The following NUP153 variants were observed in gnomAD, a reference collection of about 807,000 sequenced individuals.
The protein encoded by NUP153 is nuclear pore complex protein Nup153.
In NUP153, 27 loss-of-function variants were observed where a neutral mutation model predicts 134.6. The observed-to-expected ratio is 0.20, with a 90% CI of 0.15 to 0.28. The LOEUF is 0.28. Among genes scored for constraint, NUP153 ranks in the 10% least tolerant of loss-of-function variants. NUP153 has a pLI of 1.00. For synonymous variants in NUP153, 640 were observed against 623.5 expected (o/e 1.03, Z -0.40); for missense variants, 1,821 against 1,731.3 (o/e 1.05, Z -0.92).
intron 14 of NUP153, among the ~76,000 whole-genome samples, chr6:17,644,947 G>T (rs761859686): frequency 5.3e-5 from 8 of 152,126 alleles, no homozygotes; most frequent in Non-Finnish European, 1.5e-5. Context: ...TTAGCCAGGC[G>T]TGGTGGCAGG....
intron 11 of NUP153, among the ~76,000 whole-genome samples, chr6:17,651,022 AAC>A (rs1766469311): frequency 6.6e-6 from 1 of 152,174 alleles, no homozygotes; most frequent in East Asian, 1.9e-4. Flanking sequence ...TTAAAAATCT[AAC>A]AAATAAATTA....
rs1282845925 is a variant in NUP153 at position 17,632,806 on chromosome 6, C to T, written c.2503G>A (p.Val835Ile). 6.6e-7 allele frequency: 1 copy of T among 1,515,966 alleles called. No individual in the cohort carries two copies. Among genetic ancestry groups the T allele is most frequent in the East Asian group, 2.5e-5 (1 of 39,440 alleles). The allele number at this position is 1,515,966 out of a possible 1,614,324, so 93.9% of individuals were successfully genotyped here. ...AGAGAGCCTCCAGAAGGCAGAGAGA[C>T]AGGTACAGTGCTGCTACTTGAAGCA... ...VPASSSSTVP[V>I]SLPSGGSLGL... The change falls in exon 17 of 22, where the codon GTC becomes ATC. Residue 835 changes from valine to isoleucine, a missense_variant. Transcript: ENST00000262077.
chr6:17,640,616 A>T (rs776568959), intron 14 of NUP153, among the ~76,000 whole-genome samples: 1 of 152,320 alleles, frequency 6.6e-6, no homozygotes, highest in Admixed American at 6.5e-5. Flanking sequence ...AGCCACAGAA[A>T]TCATTCTTTT....
intron 11 of NUP153, among the ~76,000 whole-genome samples, chr6:17,658,443 A>G (rs999082823): frequency 2.0e-5 from 3 of 152,098 alleles, no homozygotes; most frequent in African/African-American, 7.2e-5. Flanking sequence ...GAAGCACACA[A>G]TAACAACAAA....
chr6:17,631,776 C>T (rs1311241236), intron 17 of NUP153, among the ~76,000 whole-genome samples: 2 of 151,980 alleles, frequency 1.3e-5, no homozygotes, highest in Non-Finnish European at 2.9e-5. Context: ...ACCATCCTGG[C>T]TAACATGGTG....
At chr6:17,622,181 A>T (rs546001668) in intron 20 of NUP153, among the ~76,000 whole-genome samples, 108 of 152,232 alleles carry the variant, frequency 7.1e-4, no homozygotes, top group Non-Finnish European at 1.4e-3. Flanking sequence ...TGGGCACAGT[A>T]GCTCACGCCT....
intron 20 of NUP153, among the ~76,000 whole-genome samples, chr6:17,620,765 G>T (rs1764606129): frequency 1.3e-5 from 2 of 152,090 alleles, no homozygotes; most frequent in Non-Finnish European, 2.9e-5. Flanking sequence ...TTCTTCCAAA[G>T]TAGCCCCTGG....
chr6:17,629,022 T>A lies in NUP153; in HGVS notation c.3177A>T (p.Ser1059=), dbSNP rs752900997. Residue 1059 remains serine (S), a synonymous_variant, in exon 18 of 22, where the codon TCA becomes TCT. Coordinates refer to ENST00000262077, the MANE Select transcript of NUP153 (RefSeq NM_005124.4). The part of the protein sequence containing the change: ...NLGTIETKSA[S]VAPFTCKTSE... Reference sequence around the variant, plus strand: ...ATGTCTTACATGTGAAAGGAGCCACTGAAGCACTCTTGGTTTCTATGGTTC... The same window carrying A: ...ATGTCTTACATGTGAAAGGAGCCACAGAAGCACTCTTGGTTTCTATGGTTC... 6.2e-7 allele frequency: 1 copy of A among 1,614,214 alleles called. No individual in the cohort carries two copies.
chr6:17,702,768 G>T (rs925843108), intron 1 of NUP153, among the ~76,000 whole-genome samples: 1 of 152,152 alleles, frequency 6.6e-6, no homozygotes, highest in Non-Finnish European at 1.5e-5. Context: ...AAGTAAGAAT[G>T]ATCAGCTTGC....
At chr6:17,644,915 C>T (rs1209536494) in intron 14 of NUP153, among the ~76,000 whole-genome samples, 4 of 152,130 alleles carry the variant, frequency 2.6e-5, no homozygotes, top group Non-Finnish European at 5.9e-5. Context: ...GAAACCCTGT[C>T]TCTATTAAAA....
chr6:17,682,289 A>G (rs1364070444), intron 2 of NUP153, among the ~76,000 whole-genome samples: 1 of 152,230 alleles, frequency 6.6e-6, no homozygotes, highest in Non-Finnish European at 1.5e-5. Context: ...TTAGAAAGTC[A>G]TAATCTTTTA....
chr6:17,673,337 AC>A (rs1397378642), intron 5 of NUP153, among the ~76,000 whole-genome samples: 7 of 152,132 alleles, frequency 4.6e-5, no homozygotes, highest in African/African-American at 1.7e-4. Flanking sequence ...GGGCGACAGC[AC>A]AAGACCTGTC....
At chr6:17,624,888 T>G (rs1455620573) in intron 19 of NUP153, 55 bp from the exon 20 acceptor site, 8 of 1,458,066 alleles carry the variant, frequency 5.5e-6, no homozygotes, top group Non-Finnish European at 7.3e-6. Flanking sequence ...CAGATTATCC[T>G]CAAGAAATTT....
chr6:17,647,086 A>T (rs923340493), intron 13 of NUP153, among the ~76,000 whole-genome samples: 3 of 151,998 alleles, frequency 2.0e-5, no homozygotes, highest in African/African-American at 4.8e-5. Context: ...AAAAAGTATG[A>T]CACTTCTGGG....
rs1175476326 is a variant in NUP153, at chr6:17,669,335, A to C, written c.972T>G (p.Asp324Glu). Reference sequence around the variant, plus strand: ...AAACAATGGATGGAATTCTTTTTGCATCCTGTTAAAGTTGAAAAAATAACA... The same window carrying C: ...AAACAATGGATGGAATTCTTTTTGCCTCCTGTTAAAGTTGAAAAAATAACA... Reference protein sequence around the residue: ...SLEKMSSPLADAKRIPSIVSS... With the variant: ...SLEKMSSPLAEAKRIPSIVSS... Residue 324 changes from aspartate (D) to glutamate (E), a missense_variant and splice_region_variant, in exon 7 of 22, where the codon GAT becomes GAG. Transcript: ENST00000262077. The C allele has an allele frequency of 6.2e-7, 1 of 1,610,038 alleles. No homozygotes were observed. Among genetic ancestry groups the C allele is most frequent in the South Asian group, 1.1e-5 (1 of 90,866 alleles).
At chr6:17,651,939 T>C in intron 11 of NUP153, 1 of 618,988 alleles carries the variant, frequency 1.6e-6, no homozygotes, top group Admixed American at 2.1e-5. Context: ...ACAAATAATT[T>C]TAAAAATTGG....
intron 1 of NUP153, among the ~76,000 whole-genome samples, chr6:17,689,024 C>T (rs1294820702): frequency 6.6e-6 from 1 of 151,662 alleles, no homozygotes; most frequent in Admixed American, 6.6e-5. Flanking sequence ...TTTTACTGCA[C>T]ATGCTTTAAG....
intron 16 of NUP153, among the ~76,000 whole-genome samples, chr6:17,634,783 T>A (rs962557714): frequency 1.3e-5 from 2 of 152,116 alleles, no homozygotes; most frequent in South Asian, 4.1e-4. Flanking sequence ...GAAATCAACG[T>A]CTTTAATTTT....
chr6:17,616,741 GTTTT>G (rs758614648), intron 20 of NUP153, 46 bp from the exon 21 acceptor site: 35 of 1,554,352 alleles, frequency 2.3e-5, no homozygotes, highest in Admixed American at 7.0e-5. Context: ...AAAATGATAG[GTTTT>G]TTTGTTTGTT....
Sources: gnomAD v4.1 joint callset for allele counts (sites outside exome capture counted in the v4.1 genomes callset) on GRCh38, gnomAD v4.1.1 for gene constraint, MANE v1.5 for transcripts, NCBI Gene and HGNC (gene_info 2026-07-23, HGNC 2026-07-21) for gene names.